NECAB2: variants seen among roughly 807,000 people sequenced by gnomAD.
The protein encoded by NECAB2 is N-terminal EF-hand calcium binding protein 2.
In NECAB2, 68 loss-of-function variants were observed where a neutral mutation model predicts 51.9. That is an observed-to-expected ratio of 1.31 (90% CI 1.08 to 1.60). The LOEUF (loss-of-function observed/expected upper bound fraction) is 1.60, where lower values mean the gene tolerates loss of function less well. NECAB2 is among the 40% of genes most tolerant of loss of function. The pLI is 0.00. For synonymous variants in NECAB2, 329 were observed against 203.5 expected (o/e 1.62, Z -5.25); for missense variants, 854 against 490.3 (o/e 1.74, Z -7.00).
At chr16:83,978,699 C>G in intron 3 of NECAB2, 147 bp downstream of exon 3, 2 of 654,342 alleles carry the variant, frequency 3.1e-6, no homozygotes, top group African/African-American at 1.8e-5. Flanking sequence ...CAGCTCTTCA[C>G]TGCCTGGGGT....
At chr16:83,965,296 C>A (rs772430274), upstream of NECAB2, 6 of 1,598,654 alleles carry the variant, frequency 3.8e-6, no homozygotes, top group Non-Finnish European at 5.1e-6. Flanking sequence ...GGGCCCGCAA[C>A]GTGGTCCTCG....
chr16:83,993,971 C>T (rs1000366786), intron 6 of NECAB2, among the ~76,000 whole-genome samples: 1 of 152,128 alleles, frequency 6.6e-6, no homozygotes, highest in Non-Finnish European at 1.5e-5. Context: ...TCTACACGTG[C>T]CCGAAAGCTT....
chr16:84,001,909 G>A lies in NECAB2; in HGVS notation c.1125G>A (p.Leu375=), dbSNP rs2271299. The A allele has an allele frequency of 0.02, 32,533 of 1,613,910 alleles. 560 individuals carry two copies. The highest frequency in any genetic ancestry group is 0.1 in the East Asian group (4,701 of 44,868). The change falls in exon 12 of 13, where the codon TTG becomes TTA. Residue 375 remains leucine, a synonymous_variant. Transcript: ENST00000305202. The part of the protein sequence containing the change: ...LSQPEALSRI[L]VPAAWCTVGR... ...AGCCTGAGGCCCTCTCCAGGATCTT[G>A]GTGCCAGGTAGGGGGCAAAGGCCTG... is the stretch of plus-strand genomic sequence containing the variant.
intron 1 of NECAB2, among the ~76,000 whole-genome samples, chr16:83,969,324 C>G (rs750724516): frequency 6.6e-6 from 1 of 152,132 alleles, no homozygotes; most frequent in Admixed American, 6.5e-5. Flanking sequence ...CCCTGAGCCC[C>G]CGTTCATCTC....
intron 2 of NECAB2, among the ~76,000 whole-genome samples, chr16:83,977,396 A>T (rs2151087325): frequency 1.3e-5 from 2 of 152,238 alleles, no homozygotes; most frequent in East Asian, 3.9e-4. Flanking sequence ...GTGGAAGCTT[A>T]GGGACCGCCT....
Position 83,983,616 on chromosome 16 carries a change from G to T in NECAB2, c.459+2489G>T, listed in dbSNP as rs148696753. Among the ~76,000 whole-genome samples the T allele has an allele frequency of 2.3e-3, 352 of 152,180 alleles. 1 individual carries two copies. The highest frequency in any genetic ancestry group is 8.2e-3 in the African/African-American group (339 of 41,526). On this transcript the variant is annotated intron_variant, in intron 5 of 12. Transcript: ENST00000305202. Reference sequence around the variant, plus strand: ...ATTTTTTTCCCCTAAGCTATTGATGGGGTGGATGCTATTTTTAGATTGTCT... The same window carrying T: ...ATTTTTTTCCCCTAAGCTATTGATGTGGTGGATGCTATTTTTAGATTGTCT...
chr16:83,971,048 C>T (rs2250831), intron 1 of NECAB2, among the ~76,000 whole-genome samples: 2,581 of 151,698 alleles, frequency 0.017, 23 homozygotes, highest in Middle Eastern at 0.031. Flanking sequence ...GAGCCAAGAT[C>T]GCGCCACTGC....
chr16:83,979,240 G>C (rs115052875), intron 3 of NECAB2, among the ~76,000 whole-genome samples: 272 of 152,328 alleles, frequency 1.8e-3, no homozygotes, highest in African/African-American at 6.4e-3. Flanking sequence ...GGAGGGATCA[G>C]AGCCCCACCT....
intron 6 of NECAB2, among the ~76,000 whole-genome samples, chr16:83,991,767 C>G (rs1317992484): frequency 6.6e-6 from 1 of 151,812 alleles, no homozygotes; most frequent in Non-Finnish European, 1.5e-5. Context: ...CCACCTCAGC[C>G]TCCCAAGGAG....
At chr16:84,002,174 T>G (rs977287058) in intron 12 of NECAB2, 144 bp from the exon 13 acceptor site, 4 of 1,130,470 alleles carry the variant, frequency 3.5e-6, no homozygotes, top group Non-Finnish European at 5.3e-6. Context: ...GGTGTGTGGT[T>G]TGCACCTGGG....
At chr16:84,001,117 G>A (rs2084823791) in intron 11 of NECAB2, among the ~76,000 whole-genome samples, 1 of 152,122 alleles carries the variant, frequency 6.6e-6, no homozygotes, top group South Asian at 2.1e-4. Context: ...ACCCTGTAGA[G>A]TTGAGGGCCT....
intron 3 of NECAB2, among the ~76,000 whole-genome samples, chr16:83,980,137 C>A (rs1284406380): frequency 6.6e-6 from 1 of 152,244 alleles, no homozygotes; most frequent in Non-Finnish European, 1.5e-5. Flanking sequence ...AGGGCCACCA[C>A]CGTATTGGGT....
At chr16:83,991,682 T>A (rs1286929977) in intron 6 of NECAB2, among the ~76,000 whole-genome samples, 1 of 152,062 alleles carries the variant, frequency 6.6e-6, no homozygotes, top group Non-Finnish European at 1.5e-5. Context: ...AGAATCTTGC[T>A]GTGTCCCCCA....
In NECAB2 at chr16:83,990,534, G is replaced by A. The variant is rs750013163; in HGVS notation, c.500G>A (p.Arg167His). 9 of 1,613,968 alleles carry A rather than the reference G, an allele frequency of 5.6e-6. No homozygotes were observed. Among genetic ancestry groups the A allele is most frequent in the African/African-American group, 5.3e-5 (4 of 74,888 alleles). ...AGCAACGTGGACCAGTTTGTGACCC[G>A]CTTCCTCCTGAAGGAGACGGCCAAT... The part of the protein sequence containing the change: ...GGSNVDQFVT[R>H]FLLKETANQI... The change falls in exon 6 of 13, where the codon CGC becomes CAC. Residue 167 changes from arginine to histidine, a missense_variant. Arg to His is a conservative substitution (Grantham distance 29). Transcript: ENST00000305202.
At chr16:83,980,797 C>G (rs767890634) in intron 3 of NECAB2, 42 bp from the exon 4 acceptor site, 2 of 1,556,112 alleles carry the variant, frequency 1.3e-6, no homozygotes, top group Non-Finnish European at 1.7e-6. Flanking sequence ...TGCTAACCCC[C>G]TCTCTGTCTC....
chr16:83,975,916 CT>C (rs1182034812), intron 2 of NECAB2, among the ~76,000 whole-genome samples: 1 of 152,154 alleles, frequency 6.6e-6, no homozygotes, highest in African/African-American at 2.4e-5. Context: ...ATGTTTTTTC[CT>C]CATTAGTGAA....
chr16:83,994,290 TC>T lies in NECAB2; in HGVS notation c.597-10del. ...CCGCCATGGTCTGTGTGTGTTCCCA[TC>T]CAAACTGCAGACAGAACCACATCAA... On this transcript the variant is annotated splice_polypyrimidine_tract_variant and intron_variant, in intron 6 of 12. Transcript: ENST00000305202. The T allele has an allele frequency of 6.2e-7, 1 of 1,613,810 alleles. No individual in the cohort carries two copies. The highest frequency in any genetic ancestry group is 8.5e-7 in the Non-Finnish European group (1 of 1,179,766).
At chr16:83,983,410 T>A (rs77799696) in intron 5 of NECAB2, among the ~76,000 whole-genome samples, 6 of 152,346 alleles carry the variant, frequency 3.9e-5, no homozygotes, top group Non-Finnish European at 7.3e-5. Context: ...GTTTGGCTCC[T>A]GATTTTCGAG....
At chr16:83,980,286 G>T (rs770517206) in intron 3 of NECAB2, among the ~76,000 whole-genome samples, 4 of 152,186 alleles carry the variant, frequency 2.6e-5, no homozygotes, top group Non-Finnish European at 5.9e-5. Context: ...CTTGGGGCCG[G>T]TCTGTGCTCC....
Sources: gnomAD v4.1 joint callset for allele counts (sites outside exome capture counted in the v4.1 genomes callset) on GRCh38, gnomAD v4.1.1 for gene constraint, MANE v1.5 for transcripts, NCBI Gene and HGNC (gene_info 2026-07-23, HGNC 2026-07-21) for gene names.